The following MACROD1 variants were observed in gnomAD, a reference collection of about 807,000 sequenced individuals.
The protein encoded by MACROD1 is ADP-ribose glycohydrolase MACROD1.
Under a neutral mutation model 41.4 loss-of-function variants are expected in MACROD1, and 31 were observed. That is an observed-to-expected ratio of 0.75 (90% CI 0.56 to 1.01). The LOEUF (loss-of-function observed/expected upper bound fraction) is 1.01. Among genes scored for constraint, MACROD1 ranks in the 50% least tolerant of loss-of-function variants. The probability of loss-of-function intolerance (pLI) is 0.00; values close to 1 mark genes in which losing one functional copy is unlikely to be tolerated. For synonymous variants in MACROD1, 252 were observed against 203.4 expected, an observed-to-expected ratio of 1.24 and a Z score of -2.03; for missense variants, 473 against 460.0, an observed-to-expected ratio of 1.03 and a Z score of -0.26.
At chr11:64,142,862 T>C (rs1488236312) in intron 3 of MACROD1, among the ~76,000 whole-genome samples, 1 of 151,986 alleles carries the variant, frequency 6.6e-6, no homozygotes, top group Non-Finnish European at 1.5e-5. Flanking sequence ...ACGGCTGTAG[T>C]CCCAGCACTT....
At chr11:64,020,758 G>A (rs1420186180) in intron 3 of MACROD1, among the ~76,000 whole-genome samples, 1 of 151,894 alleles carries the variant, frequency 6.6e-6, no homozygotes, top group Non-Finnish European at 1.5e-5. Flanking sequence ...TCTCACTGTC[G>A]CTCAGGCTGG....
chr11:64,128,546 C>T (rs947380777), intron 3 of MACROD1, among the ~76,000 whole-genome samples: 16 of 152,028 alleles, frequency 1.1e-4, no homozygotes, highest in Admixed American at 6.6e-4. Flanking sequence ...CCTGGCACGC[C>T]GCCCGCCTGA....
intron 3 of MACROD1, among the ~76,000 whole-genome samples, chr11:64,033,733 C>T (rs1344449266): frequency 2.7e-5 from 4 of 150,284 alleles, no homozygotes; most frequent in Admixed American, 6.7e-5. Flanking sequence ...TCCAGCTACT[C>T]GGGAGGCTGA....
chr11:64,156,573 C>T (rs1209895500), intron 1 of MACROD1, among the ~76,000 whole-genome samples: 1 of 152,192 alleles, frequency 6.6e-6, no homozygotes. Context: ...GATGCCACCA[C>T]CTTGTTCTAG....
chr11:64,049,532 C>T (rs1415699290), intron 3 of MACROD1, among the ~76,000 whole-genome samples: 18 of 152,230 alleles, frequency 1.2e-4, no homozygotes, highest in Admixed American at 1.2e-3. Context: ...CAAGGTCAGC[C>T]TCCCCAAGCG....
intron 3 of MACROD1, among the ~76,000 whole-genome samples, chr11:64,115,609 C>T (rs117281242): frequency 4.5e-4 from 69 of 152,342 alleles, no homozygotes; most frequent in Admixed American, 5.9e-4. Flanking sequence ...AAGCTCCCTG[C>T]TCTCCACTCC....
intron 3 of MACROD1, among the ~76,000 whole-genome samples, chr11:64,024,002 C>T (rs1308331172): frequency 6.6e-6 from 1 of 152,068 alleles, no homozygotes; most frequent in East Asian, 1.9e-4. Context: ...CCAGTCTCAC[C>T]CCAAGCTGTC....
intron 3 of MACROD1, among the ~76,000 whole-genome samples, chr11:64,113,897 TGGATGGATGGATGGAC>T (rs1353400768): frequency 6.5e-4 from 97 of 148,094 alleles, no homozygotes; most frequent in African/African-American, 2.2e-3. Flanking sequence ...GATGGATGGA[TGGATGGATGGATGGAC>T]AGGTGGATGC....
chr11:64,031,278 T>A (rs1943290045), intron 3 of MACROD1, among the ~76,000 whole-genome samples: 1 of 152,130 alleles, frequency 6.6e-6, no homozygotes, highest in Admixed American at 6.5e-5. Flanking sequence ...GGGACTTTCC[T>A]CCTGGGCTGG....
At chr11:64,046,497 G>T (rs2134400424) in intron 3 of MACROD1, among the ~76,000 whole-genome samples, 1 of 152,252 alleles carries the variant, frequency 6.6e-6, no homozygotes, top group Non-Finnish European at 1.5e-5. Context: ...CTTTGTCTGG[G>T]ACCCTGCGCT....
At chr11:64,000,134 CCAG>C in intron 5 of MACROD1, 90 bp downstream of exon 5, 1 of 1,012,556 alleles carries the variant, frequency 9.9e-7, no homozygotes, top group Non-Finnish European at 1.5e-6. Flanking sequence ...GAGGAGTTCC[CCAG>C]CACTCCTGTG....
intron 4 of MACROD1, among the ~76,000 whole-genome samples, chr11:64,005,652 T>TG (rs1461858360): frequency 1.3e-5 from 2 of 152,236 alleles, no homozygotes; most frequent in Admixed American, 6.5e-5. Context: ...AATGAGCTTT[T>TG]GGGGGCTGTA....
At chr11:64,159,701 G>GCT (rs1945724656) in intron 1 of MACROD1, among the ~76,000 whole-genome samples, 1 of 151,620 alleles carries the variant, frequency 6.6e-6, no homozygotes, top group African/African-American at 2.4e-5. Context: ...GGCTGAGGCA[G>GCT]GATAATTGCC....
At chr11:64,152,947 G>A (rs1945605662) in intron 1 of MACROD1, among the ~76,000 whole-genome samples, 1 of 152,184 alleles carries the variant, frequency 6.6e-6, no homozygotes, top group Non-Finnish European at 1.5e-5. Flanking sequence ...CCCGGCAGCG[G>A]CTGAGGGCTC....
chr11:64,087,844 G>A (rs999899654), intron 3 of MACROD1, among the ~76,000 whole-genome samples: 2 of 152,234 alleles, frequency 1.3e-5, no homozygotes, highest in Non-Finnish European at 2.9e-5. Flanking sequence ...CACTCTCCTG[G>A]GGGCTGTTTC....
chr11:64,078,521 G>A (rs1041893274), intron 3 of MACROD1, among the ~76,000 whole-genome samples: 2 of 152,228 alleles, frequency 1.3e-5, no homozygotes, highest in African/African-American at 2.4e-5. Flanking sequence ...GCATCGGAGG[G>A]ATACCCGGGA....
At position 64,165,813 on chromosome 11, in the gene MACROD1, A is replaced by C. The variant is rs1167133639; in HGVS notation, c.182T>G (p.Val61Gly). 7 of 1,483,038 alleles carry C rather than the reference A, an allele frequency of 4.7e-6. No individual in the cohort carries two copies. The highest frequency in any genetic ancestry group is 6.3e-6 in the Non-Finnish European group (7 of 1,118,378). 91.9% of individuals were successfully genotyped at this position (1,483,038 alleles called of 1,614,324 possible). The change falls in exon 1 of 11, where the codon GTT (valine) becomes GGT (glycine). Residue 61 changes from valine (V) to glycine (G), a missense_variant. Physicochemically the swap from Val to Gly is moderately radical, Grantham distance 109. Transcript: ENST00000255681. ...CACCGCCGCCGCCCCCCACGCCCCA[A>C]CTCCCGCCGAGGTCCGCGCACGGCG... ...FGRRARTSAGVGAWGAAAVGR... is the reference protein window; with the variant it reads ...FGRRARTSAGGGAWGAAAVGR...
chr11:64,110,398 C>T (rs542999925), intron 3 of MACROD1, among the ~76,000 whole-genome samples: 7 of 150,830 alleles, frequency 4.6e-5, no homozygotes, highest in South Asian at 2.1e-4. Context: ...TGCAGTGAGC[C>T]GTGATCGGGC....
rs1944019994 is a variant in MACROD1, at chr11:64,067,177, G to A, written c.518-51896C>T. ...GGTGGGAGGCCGGCCATACCCACCT[G>A]TAGGCACATGCGGCTCCAAGGAGAT... On this transcript the variant is annotated intron_variant, in intron 3 of 10. Transcript: ENST00000255681. The surrounding 1 kb of genome is among the most constrained non-coding windows in gnomAD (Gnocchi z 4.6). Among the ~76,000 whole-genome samples, 1 of 152,152 alleles carries A rather than the reference G, an allele frequency of 6.6e-6. No individual in the cohort carries two copies. Among genetic ancestry groups the A allele is most frequent in the African/African-American group, 2.4e-5 (1 of 41,438 alleles).
Sources: allele counts gnomAD v4.1 joint callset (sites outside exome capture counted in the v4.1 genomes callset), GRCh38; gene constraint gnomAD v4.1.1; non-coding constraint Gnocchi (gnomAD v3.1); transcripts MANE v1.5; gene names NCBI Gene and HGNC (gene_info 2026-07-23, HGNC 2026-07-21).